Variants in RHOBTB3 observed in about 807,000 individuals in gnomAD.
RHOBTB3 encodes Rho related BTB domain containing 3.
RHOBTB3 carries 47 observed loss-of-function variants against 67.2 expected under a neutral mutation model. That is an observed-to-expected ratio of 0.70 (90% confidence interval 0.55 to 0.89). The LOEUF (loss-of-function observed/expected upper bound fraction) is 0.89, where lower values mean the gene tolerates loss of function less well. RHOBTB3 is among the 40% of genes least tolerant of loss of function. The pLI is 0.00. For missense variants in RHOBTB3, 631 were observed against 750.0 expected (o/e 0.84, Z 1.85); for synonymous variants, 273 against 274.2 (o/e 1.00, Z 0.04).
chr5:95,725,809 T>C (rs79285887), intron 1 of RHOBTB3, among the ~76,000 whole-genome samples: 1 of 124,710 alleles, frequency 8.0e-6, no homozygotes, highest in African/African-American at 3.0e-5. Context: ...GGAATTCTTC[T>C]TTTTTTTTTT....
chr5:95,775,964 CTTAAAATA>C (rs1249304276), intron 8 of RHOBTB3, among the ~76,000 whole-genome samples: 5 of 152,100 alleles, frequency 3.3e-5, no homozygotes, highest in African/African-American at 1.2e-4. Flanking sequence ...TTTCTATACA[CTTAAAATA>C]TTTATGATGC....
chr5:95,731,041 C>G, upstream of RHOBTB3: 1 of 1,008,894 alleles, frequency 9.9e-7, no homozygotes. Context: ...TTTCCTGGCT[C>G]TGGTTACGGC....
chr5:95,729,948 C>T (rs1321165464), upstream of RHOBTB3, among the ~76,000 whole-genome samples: 5 of 151,758 alleles, frequency 3.3e-5, no homozygotes, highest in Non-Finnish European at 7.4e-5. Flanking sequence ...TATGGGTTTC[C>T]GGAAAAGACT....
rs185067334 is a variant in RHOBTB3, at chr5:95,733,140, C to T, written c.228+1056C>T. ...CACATAACAGAACGAAAAGATCACT[C>T]GCTCGTGTAAGTTTTCAGTTAAAGA... On this transcript the variant is annotated intron_variant, in intron 2 of 11. Transcript: ENST00000379982. Among the ~76,000 whole-genome samples, 5 of 152,226 alleles carry T rather than the reference C, an allele frequency of 3.3e-5. 1 individual carries two copies. Among genetic ancestry groups the T allele is most frequent in the African/African-American group, 7.2e-5 (3 of 41,534 alleles).
chr5:95,767,314 G>A (rs1745575487), intron 7 of RHOBTB3, among the ~76,000 whole-genome samples: 1 of 151,014 alleles, frequency 6.6e-6, no homozygotes, highest in Non-Finnish European at 1.5e-5. Context: ...AGGATATGGT[G>A]TGATAAGGGA....
At chr5:95,740,859 A>G (rs1377422983) in intron 3 of RHOBTB3, among the ~76,000 whole-genome samples, 2 of 152,208 alleles carry the variant, frequency 1.3e-5, no homozygotes, top group Non-Finnish European at 2.9e-5. Flanking sequence ...ATAAACACAC[A>G]CACACACACT....
chr5:95,776,516 T>C (rs1745887430), intron 8 of RHOBTB3, among the ~76,000 whole-genome samples: 2 of 152,370 alleles, frequency 1.3e-5, no homozygotes, highest in South Asian at 2.1e-4. Flanking sequence ...AAGTGACATG[T>C]AATAAGTCTT....
intron 7 of RHOBTB3, among the ~76,000 whole-genome samples, chr5:95,764,132 T>C (rs936611080): frequency 1.3e-5 from 2 of 152,192 alleles, no homozygotes; most frequent in African/African-American, 4.8e-5. Context: ...TTAATTTATG[T>C]AAGAATTAAA....
chr5:95,770,050 G>T, intron 8 of RHOBTB3: 1 of 354,012 alleles, frequency 2.8e-6, no homozygotes, highest in Non-Finnish European at 5.7e-6. Flanking sequence ...AAGTTGGAGA[G>T]GTCATTGGGA....
chr5:95,731,623 C>T lies in RHOBTB3; in HGVS notation c.-60C>T. ...GGGTGAACTCGCCGCCCGGGGGCCC[C>T]GCGAAGCCGTGAGCCGCTGCTTTTC... On this transcript the variant is annotated 5_prime_UTR_variant, in exon 1 of 12. Coordinates refer to ENST00000379982, the MANE Select transcript of RHOBTB3 (RefSeq NM_014899.4). The T allele has an allele frequency of 6.2e-7, 1 of 1,607,704 alleles. No homozygotes were observed.
chr5:95,777,968 A>C (rs114562760), intron 8 of RHOBTB3, among the ~76,000 whole-genome samples: 3,651 of 152,158 alleles, frequency 0.024, 48 homozygotes, highest in Middle Eastern at 0.041. Context: ...AATACCAAAA[A>C]AGTTAGCCAG....
rs1339828488 is a variant in RHOBTB3, at chr5:95,733,772, TTGG to T, written c.228+1693_228+1695del. ...CTCTTTATAAGGTGCTTTTCTTCAC[TTGG>T]TGGTAAGTAAAGCCCATCAGAGATT... On this transcript the variant is annotated intron_variant, in intron 2 of 11. Coordinates refer to ENST00000379982, the MANE Select transcript of RHOBTB3 (RefSeq NM_014899.4). Among the ~76,000 whole-genome samples, 8 of 152,328 alleles carry T rather than the reference TTGG, an allele frequency of 5.3e-5. No individual in the cohort carries two copies. In the South Asian group the frequency reaches 6.2e-4, roughly 12 times the overall value.
intron 6 of RHOBTB3, among the ~76,000 whole-genome samples, chr5:95,758,112 C>T (rs370378917): frequency 1.6e-4 from 25 of 152,158 alleles, no homozygotes; most frequent in African/African-American, 2.4e-4. Context: ...AGCACTCTGA[C>T]GTCTTATATC....
At chr5:95,729,863 C>T (rs1245259334), upstream of RHOBTB3, among the ~76,000 whole-genome samples, 1 of 152,142 alleles carries the variant, frequency 6.6e-6, no homozygotes, top group Non-Finnish European at 1.5e-5. Flanking sequence ...CTTTTTTAAA[C>T]GCTAATCATC....
rs1176732378 is a variant in RHOBTB3, at chr5:95,793,495, A to C, written c.*321A>C. On this transcript the variant is annotated 3_prime_UTR_variant, in exon 12 of 12. Transcript: ENST00000379982. ...AGAAATGCTTAGATTAAAAAAAAAA[A>C]ATTACGTAGGATTAATACAGAAATT... 1 of 183,898 alleles carries C rather than the reference A, an allele frequency of 5.4e-6. No individual in the cohort carries two copies. Among genetic ancestry groups the C allele is most frequent in the Non-Finnish European group, 1.1e-5 (1 of 88,706 alleles). The allele number at this position is 183,898 out of a possible 1,614,324, so 11.4% of individuals were successfully genotyped here.
At chr5:95,774,440 T>G (rs572428413) in intron 8 of RHOBTB3, among the ~76,000 whole-genome samples, 1 of 152,330 alleles carries the variant, frequency 6.6e-6, no homozygotes, top group African/African-American at 2.4e-5. Flanking sequence ...AATCCCCTTG[T>G]TAACATTTTT....
intron 3 of RHOBTB3, among the ~76,000 whole-genome samples, chr5:95,745,223 C>T (rs1744855046): frequency 6.6e-6 from 1 of 151,950 alleles, no homozygotes; most frequent in South Asian, 2.1e-4. Context: ...CACACGCCAT[C>T]ATGCTCAGCT....
At chr5:95,762,481 C>T (rs1223573810) in intron 6 of RHOBTB3, among the ~76,000 whole-genome samples, 1 of 152,110 alleles carries the variant, frequency 6.6e-6, no homozygotes, top group African/African-American at 2.4e-5. Flanking sequence ...AAGAAATGAA[C>T]TGAGAGCAGA....
intron 8 of RHOBTB3, chr5:95,769,103 C>A: frequency 2.7e-6 from 1 of 369,640 alleles, no homozygotes; most frequent in Non-Finnish European, 5.3e-6. Flanking sequence ...GGTGCCTGAG[C>A]CTTAATTCTT....
Sources: gnomAD v4.1 joint callset for allele counts (sites outside exome capture counted in the v4.1 genomes callset) on GRCh38, gnomAD v4.1.1 for gene constraint, MANE v1.5 for transcripts, NCBI Gene and HGNC (gene_info 2026-07-23, HGNC 2026-07-21) for gene names.